RAD51B: variants seen among roughly 807,000 people sequenced by gnomAD.
RAD51B encodes the protein RAD51 paralog B.
RAD51B carries 38 observed loss-of-function variants against 42.2 expected under a neutral mutation model. The ratio of observed to expected loss-of-function variants is 0.90; its 90% CI spans 0.70 to 1.18. The LOEUF is 1.18. Among genes scored for constraint, RAD51B ranks in the 50% most tolerant of loss-of-function variants. RAD51B has a pLI of 0.00. For missense variants in RAD51B, 373 were observed against 400.7 expected, an observed-to-expected ratio of 0.93 and a Z score of 0.59; for synonymous variants, 154 against 145.2, an observed-to-expected ratio of 1.06 and a Z score of -0.43.
chr14:68,191,036 T>G (rs1399053278), intron 7 of RAD51B, among the ~76,000 whole-genome samples: 2 of 152,120 alleles, frequency 1.3e-5, no homozygotes, highest in Non-Finnish European at 2.9e-5. Flanking sequence ...CTACAAGCTT[T>G]TTTTTAAAAA....
chr14:68,155,518 G>A (rs543980469), intron 7 of RAD51B, among the ~76,000 whole-genome samples: 49 of 152,162 alleles, frequency 3.2e-4, no homozygotes, highest in African/African-American at 1.1e-3. Flanking sequence ...GGTAAAATAG[G>A]TGTGAGATTT....
intron 8 of RAD51B, among the ~76,000 whole-genome samples, chr14:68,308,589 A>T (rs1045306613): frequency 1.3e-5 from 2 of 149,672 alleles, no homozygotes; most frequent in Non-Finnish European, 2.9e-5. Context: ...TATTTAAGAA[A>T]CAAAACTTTC....
chr14:68,100,842 A>G (rs2077276190), intron 7 of RAD51B, among the ~76,000 whole-genome samples: 1 of 152,172 alleles, frequency 6.6e-6, no homozygotes, highest in African/African-American at 2.4e-5. Context: ...CCAAATATGT[A>G]TGCAGGAACT....
chr14:68,007,529 T>TA (rs918287850), intron 7 of RAD51B, among the ~76,000 whole-genome samples: 33 of 150,640 alleles, frequency 2.2e-4, no homozygotes, highest in East Asian at 5.8e-4. Context: ...CCTTACAAAT[T>TA]AAAAAAAAAA....
chr14:68,573,980 A>ATGTGTGTGTG (rs58865001), intron 10 of RAD51B, among the ~76,000 whole-genome samples: 5,969 of 149,782 alleles, frequency 0.04, 135 homozygotes, highest in Middle Eastern at 0.069. Context: ...CAGTGTGTGT[A>ATGTGTGTGTG]TGTGTGTGTG....
chr14:68,677,459 G>A (rs928903530), intron 11 of RAD51B, among the ~76,000 whole-genome samples: 1 of 152,118 alleles, frequency 6.6e-6, no homozygotes, highest in Non-Finnish European at 1.5e-5. Flanking sequence ...TCCTTTAGAT[G>A]CCCACTGAAA....
chr14:68,338,454 G>A (rs974098444), intron 8 of RAD51B, among the ~76,000 whole-genome samples: 5 of 152,130 alleles, frequency 3.3e-5, no homozygotes, highest in African/African-American at 7.2e-5. Context: ...TCCTTAGTTC[G>A]ACTTCCCAGC....
At chr14:68,483,239 G>A (rs144220524) in intron 10 of RAD51B, among the ~76,000 whole-genome samples, 1 of 152,312 alleles carries the variant, frequency 6.6e-6, no homozygotes, top group Non-Finnish European at 1.5e-5. Context: ...TGTTTGGCAT[G>A]CACAGCTATA....
At chr14:68,617,854 A>T (rs995182788) in intron 10 of RAD51B, among the ~76,000 whole-genome samples, 2 of 152,164 alleles carry the variant, frequency 1.3e-5, no homozygotes, top group Admixed American at 1.3e-4. Context: ...GCCAACCTCT[A>T]TATTTTTCAT....
intron 4 of RAD51B, among the ~76,000 whole-genome samples, chr14:67,849,694 A>G (rs866790398): frequency 1.3e-5 from 2 of 152,332 alleles, no homozygotes; most frequent in South Asian, 4.1e-4. Context: ...CAGCTTGGCA[A>G]TCATAAAGTG....
At chr14:68,055,934 G>A (rs1474151544) in intron 7 of RAD51B, among the ~76,000 whole-genome samples, 2 of 152,186 alleles carry the variant, frequency 1.3e-5, no homozygotes, top group East Asian at 3.9e-4. Context: ...GAGCATCACT[G>A]GGAGTCATCT....
intron 9 of RAD51B, among the ~76,000 whole-genome samples, chr14:68,414,496 A>G (rs1045613610): frequency 1.3e-5 from 2 of 152,074 alleles, no homozygotes; most frequent in African/African-American, 4.8e-5. Context: ...CATCGAAAAT[A>G]TGTTTTGGTC....
chr14:67,895,715 G>C (rs1236173351), intron 7 of RAD51B, among the ~76,000 whole-genome samples: 2 of 151,930 alleles, frequency 1.3e-5, no homozygotes, highest in Non-Finnish European at 2.9e-5. Flanking sequence ...CTTAGTTTAG[G>C]ATATGATATA....
intron 8 of RAD51B, among the ~76,000 whole-genome samples, chr14:68,295,355 C>T (rs555706526): frequency 6.6e-6 from 1 of 151,994 alleles, no homozygotes; most frequent in Non-Finnish European, 1.5e-5. Flanking sequence ...GGTGGTGGGG[C>T]GGGGAGACCC....
intron 7 of RAD51B, among the ~76,000 whole-genome samples, chr14:68,093,976 A>T (rs2077148289): frequency 6.6e-6 from 1 of 152,180 alleles, no homozygotes; most frequent in Admixed American, 6.5e-5. Flanking sequence ...TTGTGTAAGA[A>T]CACTCCTGCT....
chr14:68,562,897 G>A, intron 10 of RAD51B: 2 of 985,404 alleles, frequency 2.0e-6, no homozygotes, highest in Non-Finnish European at 2.4e-6. Context: ...GCACCTTCTG[G>A]ATGGAGCCCA....
chr14:67,933,252 C>T (rs1183034849), intron 7 of RAD51B, among the ~76,000 whole-genome samples: 2 of 152,158 alleles, frequency 1.3e-5, no homozygotes, highest in Non-Finnish European at 2.9e-5. Flanking sequence ...ATACTGGGGA[C>T]CCTGGAGCAC....
At chr14:68,183,998 C>T (rs970042141) in intron 7 of RAD51B, among the ~76,000 whole-genome samples, 4 of 147,592 alleles carry the variant, frequency 2.7e-5, no homozygotes, top group African/African-American at 1.0e-4. Context: ...GGGGGTGAGG[C>T]AGGAGAATGG....
At chr14:68,181,116 G>T (rs1443190172) in intron 7 of RAD51B, among the ~76,000 whole-genome samples, 1 of 152,152 alleles carries the variant, frequency 6.6e-6, no homozygotes, top group Non-Finnish European at 1.5e-5. Context: ...TTTGAAGGTG[G>T]GTTTTAGTCT....
Sources: allele counts gnomAD v4.1 joint callset (sites outside exome capture counted in the v4.1 genomes callset), GRCh38; gene constraint gnomAD v4.1.1; transcripts MANE v1.5; gene names NCBI Gene and HGNC (gene_info 2026-07-23, HGNC 2026-07-21).